The following PTMA variants were observed in gnomAD, a reference collection of about 807,000 sequenced individuals.
PTMA encodes gene sequence 28.
Under a neutral mutation model 16.9 loss-of-function variants are expected in PTMA, and 4 were observed. The ratio of observed to expected loss-of-function variants is 0.24; its 90% CI spans 0.12 to 0.54. The LOEUF (loss-of-function observed/expected upper bound fraction) is 0.54. PTMA is among the 20% of genes least tolerant of loss of function. The pLI is 0.95. For synonymous variants in PTMA, 58 were observed against 47.9 expected (o/e 1.21, Z -0.87); for missense variants, 120 against 137.7 (o/e 0.87, Z 0.64).
chr2:231,710,284 C>A, intron 1 of PTMA: 1 of 1,286,238 alleles, frequency 7.8e-7, no homozygotes. Context: ...CTCTGCCTGC[C>A]GGCCGGGAGT....
At chr2:231,712,604 G>GT in intron 4 of PTMA, 88 bp downstream of exon 4, 1 of 1,460,458 alleles carries the variant, frequency 6.8e-7, no homozygotes, top group Non-Finnish European at 9.5e-7. Context: ...CGGAGGGACT[G>GT]TTTCTGACTT....
At chr2:231,710,449 A>G in intron 1 of PTMA, 1 of 1,112,196 alleles carries the variant, frequency 9.0e-7, no homozygotes, top group Non-Finnish European at 1.1e-6. Context: ...TTCGGCCGCC[A>G]GGGGGCGAGA....
chr2:231,711,125 G>A (rs1386437247), intron 1 of PTMA: 7 of 439,654 alleles, frequency 1.6e-5, no homozygotes, highest in Non-Finnish European at 2.4e-5. Context: ...GCTGTAGCGG[G>A]CCTTAAAGGA....
chr2:231,713,182 G>A lies in PTMA; in HGVS notation c.*331G>A, dbSNP rs13022849. 3.2e-5 allele frequency: 15 copies of A among 471,706 alleles called. No homozygotes were observed. Among genetic ancestry groups the A allele is most frequent in the Non-Finnish European group, 5.0e-5 (12 of 237,946 alleles). 29.2% of individuals were successfully genotyped at this position (471,706 alleles called of 1,614,324 possible). A position where few individuals can be genotyped will look rare whatever the true frequency, so the allele number is the denominator to read the frequency against. ...AGGGTCAGCCATTTTTAATGATCTC[G>A]GATGACCAAACCAGCCTTCGGAGCG... On this transcript the variant is annotated 3_prime_UTR_variant, in exon 5 of 5. Transcript: ENST00000409115.
intron 1 of PTMA, chr2:231,710,279 C>T (rs2048499889): frequency 3.1e-6 from 4 of 1,298,294 alleles, no homozygotes; most frequent in Non-Finnish European, 3.9e-6. Context: ...GCAAGCTCTG[C>T]CTGCCGGCCG....
At chr2:231,710,623 G>C (rs191985873) in intron 1 of PTMA, 1 of 465,640 alleles carries the variant, frequency 2.1e-6, no homozygotes, top group Admixed American at 2.4e-5. Flanking sequence ...AAAAGTTACC[G>C]GGCGCCCGGG....
At chr2:231,710,260 C>G (rs748952486) in intron 1 of PTMA, 8 of 1,333,374 alleles carry the variant, frequency 6.0e-6, no homozygotes, top group Non-Finnish European at 5.8e-6. Flanking sequence ...GACCCGCGCG[C>G]GTGCCACTGC....
intron 1 of PTMA, chr2:231,710,649 G>A: frequency 2.2e-6 from 1 of 445,686 alleles, no homozygotes; most frequent in Non-Finnish European, 4.6e-6. Context: ...GCTGCCTTTT[G>A]GATCCCGGGC....
At position 231,708,594 on chromosome 2, in the gene PTMA, C is replaced by T. The variant is rs188734959; in HGVS notation, c.-113C>T. 4.1e-4 allele frequency: 563 copies of T among 1,362,186 alleles called. 2 individuals are homozygous for T. The African/African-American group carries it at 7.1e-3, about 17-fold the overall frequency. 84.4% of individuals were successfully genotyped at this position (1,362,186 alleles called of 1,614,324 possible). On this transcript the variant is annotated 5_prime_UTR_variant, in exon 1 of 5. Coordinates refer to ENST00000409115, the MANE Select transcript of PTMA (RefSeq NM_002823.5). ...TCCGCCTCCTTGCTCGCCGCAGCCG[C>T]CTCCGCCGCGCGCCTCCTCCGCCGC...
rs1575354680 is a variant in PTMA, at chr2:231,713,078, C to T, written c.*227C>T. 1.8e-6 allele frequency: 1 copy of T among 552,312 alleles called. No homozygotes were observed. The highest frequency in any genetic ancestry group is 2.3e-5 in the South Asian group (1 of 42,974). 34.2% of individuals were successfully genotyped at this position (552,312 alleles called of 1,614,324 possible). A position where few individuals can be genotyped will look rare whatever the true frequency, so the allele number is the denominator to read the frequency against. Reference sequence around the variant, plus strand: ...AAGAACCAAAACTTCCAAGGCCCTGCTTTTTTTCTTAAAAGTACTTTAAAA... The same window carrying T: ...AAGAACCAAAACTTCCAAGGCCCTGTTTTTTTTCTTAAAAGTACTTTAAAA... On this transcript the variant is annotated 3_prime_UTR_variant, in exon 5 of 5. Transcript: ENST00000409115.
At position 231,713,012 on chromosome 2, in the gene PTMA, A is replaced by T; in HGVS notation, c.*161A>T. The T allele has an allele frequency of 1.5e-6, 1 of 671,566 alleles. No individual in the cohort carries two copies. The highest frequency in any genetic ancestry group is 2.8e-5 in the East Asian group (1 of 35,830). The allele number at this position is 671,566 out of a possible 1,614,324, so 41.6% of individuals were successfully genotyped here. ...CCGCAGATGACACGCGCTCTCCACC[A>T]CCCAACCCAAACCATGAGAATTTGC... On this transcript the variant is annotated 3_prime_UTR_variant, in exon 5 of 5. Transcript: ENST00000409115.
chr2:231,712,359 C>T, intron 3 of PTMA, 84 bp from the exon 4 acceptor site: 1 of 1,384,364 alleles, frequency 7.2e-7, no homozygotes, highest in African/African-American at 1.4e-5. Context: ...AGGGACCTTG[C>T]AGTCCACTAC....
At position 231,712,806 on chromosome 2, in the gene PTMA, T is replaced by G. The variant is rs753332066; in HGVS notation, c.288T>G (p.Asp96Glu). Residue 96 changes from aspartate to glutamate, a missense_variant and splice_region_variant, in exon 5 of 5, where the codon GAT becomes GAG. Coordinates refer to ENST00000409115, the MANE Select transcript of PTMA (RefSeq NM_002823.5). ...TGKRAAEDDE[D>E]DDVDTKKQKT... ...TTTGACAGTCTTTCTCTGCTTAGGA[T>G]GACGATGTCGATACCAAGAAGCAGA... 98 of 1,594,400 alleles carry G rather than the reference T, an allele frequency of 6.1e-5. 1 individual carries two copies. Among genetic ancestry groups the G allele is most frequent in the Middle Eastern group, 1.7e-4 (1 of 5,798 alleles).
At chr2:231,711,507 GTGTATGTGTA>G in intron 2 of PTMA, 88 bp downstream of exon 2, 1 of 1,218,278 alleles carries the variant, frequency 8.2e-7, no homozygotes, top group African/African-American at 1.5e-5. Context: ...ATATATGTGT[GTGTATGTGTA>G]TATGTATAGC....
intron 1 of PTMA, chr2:231,710,517 C>G: frequency 1.1e-6 from 1 of 905,164 alleles, no homozygotes; most frequent in Non-Finnish European, 1.6e-6. Flanking sequence ...AGAGGGCCGA[C>G]AGGTGGCCCG....
chr2:231,710,472 G>T (rs998442334), intron 1 of PTMA: 34 of 1,077,722 alleles, frequency 3.2e-5, no homozygotes, highest in Non-Finnish European at 4.0e-5. Context: ...GGGCGGAGCC[G>T]GGGTCCGCGG....
chr2:231,710,069 C>A (rs1035486420), intron 1 of PTMA: 7 of 1,229,818 alleles, frequency 5.7e-6, no homozygotes, highest in Non-Finnish European at 7.1e-6. Flanking sequence ...CAAAAGGTGA[C>A]TTCCCGCGAG....
intron 1 of PTMA, 138 bp downstream of exon 1, chr2:231,708,889 C>T (rs2106240625): frequency 1.9e-6 from 2 of 1,059,744 alleles, no homozygotes; most frequent in Non-Finnish European, 1.3e-6. Context: ...GCGCGGTGCC[C>T]TCAGGCAGCC....
At chr2:231,710,170 GC>G in intron 1 of PTMA, 1 of 1,283,716 alleles carries the variant, frequency 7.8e-7, no homozygotes, top group Non-Finnish European at 9.9e-7. Flanking sequence ...GTGGGACTTG[GC>G]CCGCCGAATG....
Sources: allele counts gnomAD v4.1 joint callset, GRCh38; gene constraint gnomAD v4.1.1; transcripts MANE v1.5; gene names NCBI Gene and HGNC (gene_info 2026-07-23, HGNC 2026-07-21).